Variants in GON4L observed in about 807,000 individuals in gnomAD.
The protein encoded by GON4L is GON-4-like protein.
In GON4L, 87 loss-of-function variants were observed where a neutral mutation model predicts 211.8. The ratio of observed to expected loss-of-function variants is 0.41; its 90% CI spans 0.35 to 0.49. The LOEUF (loss-of-function observed/expected upper bound fraction) is 0.49, where lower values mean the gene tolerates loss of function less well. Ranked by LOEUF, GON4L falls within the 20% of genes least tolerant of loss-of-function variation. The pLI is 0.15. For missense variants in GON4L, 2,155 were observed against 2,659.5 expected (o/e 0.81, Z 4.17); for synonymous variants, 875 against 962.6 (o/e 0.91, Z 1.68).
chr1:155,848,786 A>C (rs1226536614), intron 2 of GON4L, among the ~76,000 whole-genome samples: 1 of 152,252 alleles, frequency 6.6e-6, no homozygotes, highest in Non-Finnish European at 1.5e-5. Context: ...CAGACAAAAA[A>C]AAATCTGAGA....
intron 1 of GON4L, among the ~76,000 whole-genome samples, chr1:155,856,701 T>C (rs1672313712): frequency 6.6e-6 from 1 of 151,730 alleles, no homozygotes; most frequent in South Asian, 2.1e-4. Context: ...AGAAATAGAA[T>C]GGGAGTAGCC....
chr1:155,840,960 G>A (rs896388830), intron 2 of GON4L, among the ~76,000 whole-genome samples: 1 of 152,136 alleles, frequency 6.6e-6, no homozygotes, highest in African/African-American at 2.4e-5. Context: ...GCTTGAACCC[G>A]GGAGGCGGAG....
At position 155,765,860 on chromosome 1, in the gene GON4L, G is replaced by A. The variant is rs1424278620; in HGVS notation, c.3613C>T (p.Pro1205Ser). The change falls in exon 21 of 32, where the codon CCC becomes TCC. Residue 1205 changes from proline to serine, a missense_variant. Pro to Ser is a moderately conservative substitution (Grantham distance 74). Around this residue, in one of 6 missense-constraint regions of GON4L, gnomAD observed 615 missense variants for 625.7 expected, o/e 0.98. Coordinates refer to ENST00000368331, the MANE Select transcript of GON4L (RefSeq NM_001282860.2). Reference protein sequence around the residue: ...NQSLVASSVSPLIVSGNSVNL... With the variant: ...NQSLVASSVSSLIVSGNSVNL... The stretch of plus-strand genomic sequence containing the variant: ...ACAGAATTGCCAGAAACAATTAAGG[G>A]TGAGACAGAGGAGGCCACAAGGGAC... The A allele has an allele frequency of 6.2e-7, 1 of 1,614,060 alleles. No individual in the cohort carries two copies. Among genetic ancestry groups the A allele is most frequent in the Admixed American group, 1.7e-5 (1 of 59,984 alleles).
intron 5 of GON4L, among the ~76,000 whole-genome samples, chr1:155,821,179 T>C (rs530649810): frequency 3.0e-4 from 46 of 152,054 alleles, no homozygotes; most frequent in African/African-American, 1.1e-3. Flanking sequence ...GGCAGGACAA[T>C]GGCCTGAACC....
intron 11 of GON4L, among the ~76,000 whole-genome samples, chr1:155,801,875 T>C (rs1666703164): frequency 6.6e-6 from 1 of 151,888 alleles, no homozygotes; most frequent in African/African-American, 2.4e-5. Context: ...AGAGCGAGAC[T>C]CTGTCGAAGA....
intron 19 of GON4L, among the ~76,000 whole-genome samples, chr1:155,767,820 G>A (rs546696714): frequency 6.6e-6 from 1 of 152,270 alleles, no homozygotes; most frequent in Admixed American, 6.5e-5. Context: ...GAAGGGGAGA[G>A]TTTAGGTCAC....
chr1:155,778,284 C>T (rs552732415), intron 14 of GON4L, among the ~76,000 whole-genome samples: 122 of 152,214 alleles, frequency 8.0e-4, no homozygotes, highest in Non-Finnish European at 1.1e-3. Flanking sequence ...CACAGTCTCG[C>T]TCTGTCGCCC....
chr1:155,783,866 T>C, intron 14 of GON4L, 120 bp downstream of exon 14: 2 of 1,535,664 alleles, frequency 1.3e-6, no homozygotes, highest in Non-Finnish European at 1.8e-6. Context: ...GGGCTCTGCA[T>C]CCTTACATCA....
chr1:155,792,857 A>G (rs1245912609), intron 12 of GON4L, among the ~76,000 whole-genome samples: 4 of 152,086 alleles, frequency 2.6e-5, no homozygotes, highest in African/African-American at 9.7e-5. Flanking sequence ...CCTGGGCTCA[A>G]GTGATCCTCC....
Position 155,750,370 on chromosome 1 carries a change from A to T in GON4L, c.*214T>A. ...ACTCTCGATGCTATTTACAGAGGAC[A>T]TCTGTAAAGTCTTCATAAAAGACCT... On this transcript the variant is annotated 3_prime_UTR_variant, in exon 32 of 32. Transcript: ENST00000368331. 2 of 650,988 alleles carry T rather than the reference A, an allele frequency of 3.1e-6. No homozygotes were observed. The highest frequency in any genetic ancestry group is 3.9e-5 in the South Asian group (2 of 50,880). The allele number at this position is 650,988 out of a possible 1,614,324, so 40.3% of individuals were successfully genotyped here.
At chr1:155,776,628 G>A (rs530720306) in intron 15 of GON4L, 147 bp from the exon 16 acceptor site, 127 of 730,884 alleles carry the variant, frequency 1.7e-4, no homozygotes, top group Middle Eastern at 3.8e-4. Context: ...ATGGCTCCAC[G>A]CCCTCTCAAC....
chr1:155,814,491 C>G, intron 8 of GON4L, 42 bp from the exon 9 acceptor site: 1 of 1,597,170 alleles, frequency 6.3e-7, no homozygotes, highest in Non-Finnish European at 8.6e-7. Context: ...TATGCCCCTA[C>G]CTCATTCCAC....
chr1:155,763,631 G>A, intron 21 of GON4L, 67 bp from the exon 22 acceptor site: 1 of 1,318,694 alleles, frequency 7.6e-7, no homozygotes, highest in African/African-American at 1.5e-5. Flanking sequence ...ACAACACAAA[G>A]CTATATCAGG....
downstream of GON4L, chr1:155,748,413 T>A (rs1193446889): frequency 1.2e-6 from 2 of 1,610,868 alleles, no homozygotes; most frequent in Non-Finnish European, 1.7e-6. Context: ...ATTCTGCCCT[T>A]CCACTGCAGT....
chr1:155,753,657 T>C (rs1660846715), intron 28 of GON4L, among the ~76,000 whole-genome samples: 1 of 151,998 alleles, frequency 6.6e-6, no homozygotes, highest in Non-Finnish European at 1.5e-5. Flanking sequence ...CTGGGTAACA[T>C]AGTGAGACTC....
At chr1:155,793,682 TGCTGAATCCTTGACCTCCTGG>T (rs1176000073) in intron 12 of GON4L, among the ~76,000 whole-genome samples, 1 of 151,918 alleles carries the variant, frequency 6.6e-6, no homozygotes, top group East Asian at 1.9e-4. Context: ...TATCATAGTT[TGCTGAATCCTTGACCTCCTGG>T]GCTGAAGCAA....
chr1:155,755,472 A>G (rs1661083081), intron 27 of GON4L, among the ~76,000 whole-genome samples: 1 of 151,808 alleles, frequency 6.6e-6, no homozygotes, highest in South Asian at 2.1e-4. Flanking sequence ...CGACCTCCCA[A>G]AATGCTGGGA....
At position 155,765,315 on chromosome 1, in the gene GON4L, T is replaced by G; in HGVS notation, c.4158A>C (p.Pro1386=). Residue 1386 remains proline, a synonymous_variant, in exon 21 of 32, where the codon CCA becomes CCC. Coordinates refer to ENST00000368331, the MANE Select transcript of GON4L (RefSeq NM_001282860.2). ...VLQKEEERSQ[P]TKTPSSSQEP... ...CTTGAGAAGATGAAGGGGTTTTAGT[T>G]GGCTGACTCCTCTCCTCTTCCTTCT... 6.2e-7 allele frequency: 1 copy of G among 1,614,252 alleles called. No homozygotes were observed. The highest frequency in any genetic ancestry group is 8.5e-7 in the Non-Finnish European group (1 of 1,180,046).
chr1:155,792,123 T>A (rs955054209), intron 12 of GON4L, among the ~76,000 whole-genome samples: 2 of 152,104 alleles, frequency 1.3e-5, no homozygotes, highest in African/African-American at 4.8e-5. Flanking sequence ...TCCCTGTCAC[T>A]GAAGGTATAC....
Sources: allele counts gnomAD v4.1 joint callset (sites outside exome capture counted in the v4.1 genomes callset), GRCh38; gene constraint gnomAD v4.1.1; regional missense constraint gnomAD v4.1.1; transcripts MANE v1.5; gene names NCBI Gene and HGNC (gene_info 2026-07-23, HGNC 2026-07-21).